The following NAALADL2 variants were observed in gnomAD, a reference collection of about 807,000 sequenced individuals.
NAALADL2 encodes the protein inactive N-acetylated-alpha-linked acidic dipeptidase-like protein 2.
Under a neutral mutation model 87.2 loss-of-function variants are expected in NAALADL2, and 76 were observed. The observed-to-expected ratio is 0.87, with a 90% CI of 0.72 to 1.05. NAALADL2 has a LOEUF of 1.05. Ranked by LOEUF, NAALADL2 falls within the 50% of genes least tolerant of loss-of-function variation. The probability of loss-of-function intolerance (pLI) is 0.00; values close to 1 mark genes in which losing one functional copy is unlikely to be tolerated. For missense variants in NAALADL2, 1,089 were observed against 945.8 expected, an observed-to-expected ratio of 1.15 and a Z score of -1.99; for synonymous variants, 354 against 331.0, an observed-to-expected ratio of 1.07 and a Z score of -0.75.
At chr3:175,315,575 G>T (rs1022710811) in intron 4 of NAALADL2, among the ~76,000 whole-genome samples, 1 of 152,112 alleles carries the variant, frequency 6.6e-6, no homozygotes. Flanking sequence ...TGAAAGCTGT[G>T]TTAACAGTGT....
chr3:175,054,167 CT>C (rs1711602784), intron 1 of NAALADL2, among the ~76,000 whole-genome samples: 2 of 152,332 alleles, frequency 1.3e-5, no homozygotes, highest in African/African-American at 4.8e-5. Flanking sequence ...ACAAGCTCCG[CT>C]TTTTGAGCTG....
At chr3:174,947,541 A>G (rs1258423919) in intron 1 of NAALADL2, among the ~76,000 whole-genome samples, 1 of 152,198 alleles carries the variant, frequency 6.6e-6, no homozygotes, top group Non-Finnish European at 1.5e-5. Flanking sequence ...TTTTCAAGAC[A>G]TAAGAAGAAT....
chr3:175,179,053 C>A (rs913773642), intron 2 of NAALADL2, among the ~76,000 whole-genome samples: 48 of 152,100 alleles, frequency 3.2e-4, no homozygotes, highest in African/African-American at 1.1e-3. Flanking sequence ...GTTTTCTAAC[C>A]AAGCTCACTC....
At position 175,334,517 on chromosome 3, in the gene NAALADL2, TTGTCTA is replaced by T; in HGVS notation, c.1090+10194_1090+10199del. 2.6e-5 allele frequency among the ~76,000 whole-genome samples: 4 copies of T among 152,356 alleles called. No homozygotes were observed. In the Middle Eastern group the frequency reaches 0.01, roughly 389 times the overall value. On this transcript the variant is annotated intron_variant, in intron 5 of 13. Transcript: ENST00000454872. ...GAAATCTATCTTATTTATTTATGGT[TTGTCTA>T]TTCTGTGTTTCTTTTGGTAGGAAAT...
intron 5 of NAALADL2, among the ~76,000 whole-genome samples, chr3:175,384,665 C>T (rs1452386831): frequency 1.3e-5 from 2 of 151,610 alleles, no homozygotes; most frequent in Admixed American, 6.6e-5. Context: ...TTTGTTTGTG[C>T]AATAATATTG....
chr3:175,031,169 C>T lies in NAALADL2; in HGVS notation c.44-65621C>T, dbSNP rs149393938. Among the ~76,000 whole-genome samples the T allele has an allele frequency of 2.9e-3, 441 of 151,892 alleles. 3 individuals carry two copies. The highest frequency in any genetic ancestry group is 0.01 in the African/African-American group (422 of 41,470). ...ATTTTAGAATGAGGGGGTACATGTGCAGGTTTGTTACACGGGTACATTGTA... is the reference window on the plus strand; with the variant it reads ...ATTTTAGAATGAGGGGGTACATGTGTAGGTTTGTTACACGGGTACATTGTA... On this transcript the variant is annotated intron_variant, in intron 1 of 13. Transcript: ENST00000454872.
intron 2 of NAALADL2, among the ~76,000 whole-genome samples, chr3:174,716,496 T>C (rs1403027651): frequency 6.6e-6 from 1 of 151,254 alleles, no homozygotes; most frequent in South Asian, 2.1e-4. Context: ...TCATTTTTGT[T>C]ACATTTCTAG....
chr3:175,715,953 C>T (rs913537752), intron 11 of NAALADL2, among the ~76,000 whole-genome samples: 5 of 151,492 alleles, frequency 3.3e-5, no homozygotes, highest in African/African-American at 1.2e-4. Context: ...TTTACAAATC[C>T]TTCATTCATT....
At chr3:175,241,855 A>ATTTTTTCTTTT (rs1553829279) in intron 3 of NAALADL2, among the ~76,000 whole-genome samples, 2 of 83,812 alleles carry the variant, frequency 2.4e-5, no homozygotes, top group African/African-American at 9.3e-5. Context: ...TGGATGCTGA[A>ATTTTTTCTTTT]TTTTTTTTTT....
At chr3:175,564,715 G>A (rs866862171) in intron 9 of NAALADL2, among the ~76,000 whole-genome samples, 1 of 152,214 alleles carries the variant, frequency 6.6e-6, no homozygotes, top group African/African-American at 2.4e-5. Flanking sequence ...AAGGTCCTAT[G>A]GGAATTGTAC....
At chr3:174,544,334 G>C (rs1722524220) in intron 1 of NAALADL2, among the ~76,000 whole-genome samples, 2 of 151,724 alleles carry the variant, frequency 1.3e-5, no homozygotes, top group South Asian at 4.2e-4. Context: ...TTAAATTAGT[G>C]GTTTTTACAT....
At chr3:174,689,674 G>A (rs1728384750) in intron 2 of NAALADL2, among the ~76,000 whole-genome samples, 1 of 152,032 alleles carries the variant, frequency 6.6e-6, no homozygotes, top group Non-Finnish European at 1.5e-5. Context: ...ATGGTGAGAG[G>A]AGAGTTGCTC....
chr3:175,558,877 T>C (rs1271648300), intron 9 of NAALADL2, among the ~76,000 whole-genome samples: 1 of 152,148 alleles, frequency 6.6e-6, no homozygotes. Flanking sequence ...AGTTTTGTTC[T>C]TTTTGCTTAG....
intron 11 of NAALADL2, among the ~76,000 whole-genome samples, chr3:175,689,847 G>C (rs148496052): frequency 6.6e-6 from 1 of 152,128 alleles, no homozygotes; most frequent in South Asian, 2.1e-4. Flanking sequence ...TATTAGCTAC[G>C]TTCCAAGAGT....
At chr3:174,978,366 C>T (rs1019013415) in intron 1 of NAALADL2, among the ~76,000 whole-genome samples, 15 of 152,242 alleles carry the variant, frequency 9.9e-5, no homozygotes, top group Admixed American at 2.6e-4. Flanking sequence ...GAAGAAAGGC[C>T]TAGAGGCTAG....
intron 2 of NAALADL2, among the ~76,000 whole-genome samples, chr3:175,099,843 A>G (rs948346836): frequency 6.6e-6 from 1 of 152,168 alleles, no homozygotes; most frequent in Non-Finnish European, 1.5e-5. Context: ...GTCCACCATT[A>G]AAGTGCCATC....
intron 1 of NAALADL2, among the ~76,000 whole-genome samples, chr3:174,862,233 T>C (rs1726594480): frequency 6.6e-6 from 1 of 152,078 alleles, no homozygotes; most frequent in African/African-American, 2.4e-5. Flanking sequence ...ATCATTTTTC[T>C]TGCATAATGC....
rs146841578 is a variant in NAALADL2, at chr3:175,230,627, C to T, written c.546-3304C>T. Among the ~76,000 whole-genome samples, 101 of 152,076 alleles carry T rather than the reference C, an allele frequency of 6.6e-4. No homozygotes were observed. In the East Asian group the frequency reaches 0.016, roughly 24 times the overall value. On this transcript the variant is annotated intron_variant, in intron 2 of 13. Coordinates refer to ENST00000454872, the MANE Select transcript of NAALADL2 (RefSeq NM_207015.3). ...CAGGAGCAGAGGGTGGTAAAGGAAG[C>T]CTTGGAAAACTATTTAGTATATCCT...
At chr3:174,594,571 G>A (rs1025104150) in intron 2 of NAALADL2, among the ~76,000 whole-genome samples, 3 of 152,032 alleles carry the variant, frequency 2.0e-5, no homozygotes, top group Non-Finnish European at 4.4e-5. Context: ...ATTGAGTTGC[G>A]GCTCTGAGTG....
Sources: allele counts gnomAD v4.1 joint callset (sites outside exome capture counted in the v4.1 genomes callset), GRCh38; gene constraint gnomAD v4.1.1; transcripts MANE v1.5; gene names NCBI Gene and HGNC (gene_info 2026-07-23, HGNC 2026-07-21).